AXDND1: variants seen among roughly 807,000 people sequenced by gnomAD.
AXDND1 encodes the protein axonemal dynein light chain domain-containing protein 1.
AXDND1 carries 110 observed loss-of-function variants against 137.5 expected under a neutral mutation model. The observed-to-expected ratio is 0.80, with a 90% CI of 0.69 to 0.94. The LOEUF is 0.94. Among genes scored for constraint, AXDND1 ranks in the 40% least tolerant of loss-of-function variants. AXDND1 has a pLI of 0.00. For synonymous variants in AXDND1, 414 were observed against 399.7 expected, an observed-to-expected ratio of 1.04 and a Z score of -0.43; for missense variants, 1,191 against 1,169.8, an observed-to-expected ratio of 1.02 and a Z score of -0.26.
At chr1:179,385,161 T>A in intron 8 of AXDND1, 77 bp from the exon 9 acceptor site, 1 of 1,231,230 alleles carries the variant, frequency 8.1e-7, no homozygotes, top group East Asian at 2.4e-5. Flanking sequence ...CTTATTTACA[T>A]TCAAGGTATT....
intron 16 of AXDND1, chr1:179,453,120 C>T (rs895931723): frequency 6.6e-6 from 1 of 152,298 alleles, no homozygotes; most frequent in East Asian, 1.9e-4. Flanking sequence ...ACCCAGATTT[C>T]AGAGGATGTA....
At chr1:179,437,134 G>A (rs530464238) in intron 15 of AXDND1, among the ~76,000 whole-genome samples, 16 of 149,812 alleles carry the variant, frequency 1.1e-4, no homozygotes, top group South Asian at 1.1e-3. Flanking sequence ...AGTGTAACCC[G>A]CACAGACCTA....
At position 179,429,583 on chromosome 1, in the gene AXDND1, A is replaced by T; in HGVS notation, c.1296A>T (p.Lys432Asn). ...ACCTTAATGAAAAAGGCTGGAATAAATACACTAAGCATTTCATCATACTGC... is the reference window on the plus strand; with the variant it reads ...ACCTTAATGAAAAAGGCTGGAATAATTACACTAAGCATTTCATCATACTGC... ...RLYLNEKGWN[K>N]YTKHFIILLS... The change falls in exon 13 of 26, where the codon AAA (lysine) becomes AAT (asparagine). Residue 432 changes from lysine (K) to asparagine (N), a missense_variant. Lys to Asn is a moderately conservative substitution (Grantham distance 94, BLOSUM62 0). Transcript: ENST00000367618. The T allele has an allele frequency of 1.9e-6, 3 of 1,578,490 alleles. No homozygotes were observed. Among genetic ancestry groups the T allele is most frequent in the Non-Finnish European group, 1.7e-6 (2 of 1,166,024 alleles).
intron 4 of AXDND1, among the ~76,000 whole-genome samples, chr1:179,375,653 T>G (rs1668546614): frequency 6.6e-6 from 1 of 152,046 alleles, no homozygotes; most frequent in Admixed American, 6.6e-5. Flanking sequence ...CATTCATCAT[T>G]TTTAGCTAAC....
intron 25 of AXDND1, chr1:179,544,442 G>A (rs953694973): frequency 6.6e-6 from 1 of 152,146 alleles, no homozygotes; most frequent in African/African-American, 2.4e-5. Flanking sequence ...GGGAGGCCAA[G>A]GTGGGAGGAT....
At chr1:179,508,088 A>G (rs1668696487) in intron 20 of AXDND1, among the ~76,000 whole-genome samples, 1 of 152,220 alleles carries the variant, frequency 6.6e-6, no homozygotes, top group East Asian at 1.9e-4. Flanking sequence ...AATCTGGGCC[A>G]GGTACAGTGG....
chr1:179,395,040 G>T (rs891502527), intron 10 of AXDND1, 58 bp from the exon 11 acceptor site: 3 of 1,457,340 alleles, frequency 2.1e-6, no homozygotes, highest in Non-Finnish European at 9.4e-7. Flanking sequence ...GATTTTCTTG[G>T]TAGAAACTTT....
intron 4 of AXDND1, among the ~76,000 whole-genome samples, chr1:179,375,159 T>C (rs1055724887): frequency 2.0e-5 from 3 of 151,958 alleles, no homozygotes; most frequent in African/African-American, 7.2e-5. Flanking sequence ...AGTGTAGTGG[T>C]GTGATCTTGG....
chr1:179,506,957 T>C (rs1366271319), intron 20 of AXDND1: 1 of 937,664 alleles, frequency 1.1e-6, no homozygotes, highest in Non-Finnish European at 1.3e-6. Flanking sequence ...TCCTTCCTTA[T>C]GGGGGGATCT....
At chr1:179,381,943 A>ATTTTTTTT (rs71111920) in intron 6 of AXDND1, among the ~76,000 whole-genome samples, 253 of 105,258 alleles carry the variant, frequency 2.4e-3, no homozygotes, top group East Asian at 3.5e-3. Flanking sequence ...ACCACACCTA[A>ATTTTTTTT]TTTTTTTTTT....
intron 9 of AXDND1, among the ~76,000 whole-genome samples, chr1:179,385,793 G>T (rs1480447171): frequency 6.6e-6 from 1 of 152,168 alleles, no homozygotes; most frequent in African/African-American, 2.4e-5. Flanking sequence ...CTTAAGATTG[G>T]ATTGTTTGGA....
At chr1:179,391,522 TTTATTTATTTAC>T (rs67621973) in intron 9 of AXDND1, among the ~76,000 whole-genome samples, 60,236 of 150,876 alleles carry the variant, frequency 0.4, 11,976 homozygotes, top group South Asian at 0.41. Context: ...TATTTATTTA[TTTATTTATTTAC>T]TTATTTATTT....
At chr1:179,402,919 G>T (rs1434021636) in intron 11 of AXDND1, among the ~76,000 whole-genome samples, 3 of 152,118 alleles carry the variant, frequency 2.0e-5, no homozygotes, top group Non-Finnish European at 4.4e-5. Context: ...CATTTCACTT[G>T]CCTTACTAGC....
intron 20 of AXDND1, among the ~76,000 whole-genome samples, chr1:179,496,376 A>C (rs1667451512): frequency 6.6e-6 from 1 of 152,028 alleles, no homozygotes; most frequent in South Asian, 2.1e-4. Context: ...GAGCTATCTA[A>C]TTTCTTTAAC....
intron 9 of AXDND1, among the ~76,000 whole-genome samples, chr1:179,390,227 T>C (rs4233178): frequency 0.29 from 44,312 of 152,108 alleles, 6,660 homozygotes; most frequent in Non-Finnish European, 0.31. Context: ...TTGGCTAGGC[T>C]GGTCTTGAAC....
At chr1:179,393,782 C>A (rs911190713) in intron 9 of AXDND1, 121 bp from the exon 10 acceptor site, 4 of 658,224 alleles carry the variant, frequency 6.1e-6, no homozygotes, top group African/African-American at 5.7e-5. Context: ...TGATTTGATT[C>A]TCAGCTTGGT....
intron 12 of AXDND1, among the ~76,000 whole-genome samples, chr1:179,416,822 T>C (rs1292612683): frequency 6.6e-6 from 1 of 152,194 alleles, no homozygotes; most frequent in Non-Finnish European, 1.5e-5. Flanking sequence ...CTACCTGTCT[T>C]GTGGCTACCC....
intron 7 of AXDND1, 27 bp from the exon 8 acceptor site, chr1:179,383,415 C>A: frequency 1.9e-6 from 3 of 1,546,982 alleles, no homozygotes; most frequent in Non-Finnish European, 2.7e-6. Context: ...ATGTTAATTG[C>A]ATAAGTCTGC....
intron 11 of AXDND1, among the ~76,000 whole-genome samples, chr1:179,404,934 C>G (rs12044070): frequency 6.6e-6 from 1 of 151,214 alleles, no homozygotes; most frequent in Non-Finnish European, 1.5e-5. Flanking sequence ...ACTTTAAGTT[C>G]TGAGATACAT....
Sources: gnomAD v4.1 joint callset for allele counts (sites outside exome capture counted in the v4.1 genomes callset) on GRCh38, gnomAD v4.1.1 for gene constraint, MANE v1.5 for transcripts, NCBI Gene and HGNC (gene_info 2026-07-23, HGNC 2026-07-21) for gene names.